Variants in FGF14 observed in about 807,000 individuals in gnomAD.
The protein encoded by FGF14 is fibroblast growth factor 14.
Under a neutral mutation model 25.5 loss-of-function variants are expected in FGF14, and 5 were observed. The ratio of observed to expected loss-of-function variants is 0.20; its 90% CI spans 0.10 to 0.41. The LOEUF (loss-of-function observed/expected upper bound fraction) is 0.41, where lower values mean the gene tolerates loss of function less well. Ranked by LOEUF, FGF14 falls within the 10% of genes least tolerant of loss-of-function variation. The pLI is 1.00. For missense variants in FGF14, 222 were observed against 320.1 expected (o/e 0.69, Z 2.34); for synonymous variants, 138 against 118.3 (o/e 1.17, Z -1.08).
chr13:102,148,924 C>G (rs1292352338), intron 1 of FGF14, among the ~76,000 whole-genome samples: 1 of 152,186 alleles, frequency 6.6e-6, no homozygotes, highest in Admixed American at 6.5e-5. Flanking sequence ...CCAGCGCGTA[C>G]CTGGAATATA....
intron 3 of FGF14, among the ~76,000 whole-genome samples, chr13:101,825,899 T>G (rs1000466489): frequency 6.6e-6 from 1 of 152,128 alleles, no homozygotes; most frequent in Non-Finnish European, 1.5e-5. Context: ...ATAAAGTTTT[T>G]GAAAATAAGA....
At position 101,722,058 on chromosome 13, in the gene FGF14, T is replaced by TCAAA. The variant is rs1458723573; in HGVS notation, c.*769_*772dup. 1.3e-5 allele frequency: 2 copies of TCAAA among 152,356 alleles called. No individual in the cohort carries two copies. Among genetic ancestry groups the TCAAA allele is most frequent in the East Asian group, 3.9e-4 (2 of 5,166 alleles). The allele number at this position is 152,356 out of a possible 1,614,324, so 9.4% of individuals were successfully genotyped here. A position where few individuals can be genotyped will look rare whatever the true frequency, so the allele number is the denominator to read the frequency against. On this transcript the variant is annotated 3_prime_UTR_variant, in exon 5 of 5. Transcript: ENST00000376143. ...CACACAAAGAAACTAGAGGGGGATGTCAAACACATATCATAGAGAGCTTCC... is the reference window on the plus strand; with the variant it reads ...CACACAAAGAAACTAGAGGGGGATGTCAAACAAACACATATCATAGAGAGCTTCC...
At chr13:102,207,286 A>G (rs1185807025) in intron 1 of FGF14, among the ~76,000 whole-genome samples, 1 of 151,916 alleles carries the variant, frequency 6.6e-6, no homozygotes, top group African/African-American at 2.4e-5. Context: ...TCTCGAAAAA[A>G]TAAATAAATA....
chr13:101,920,940 G>A (rs1204959750), upstream of FGF14, among the ~76,000 whole-genome samples: 2 of 152,114 alleles, frequency 1.3e-5, no homozygotes, highest in Non-Finnish European at 2.9e-5. Context: ...AGTTTGGAAG[G>A]TAATTAGTAC....
At chr13:102,298,396 T>G (rs1474456942) in intron 1 of FGF14, among the ~76,000 whole-genome samples, 1 of 152,156 alleles carries the variant, frequency 6.6e-6, no homozygotes, top group African/African-American at 2.4e-5. Flanking sequence ...GTTCAAGGCA[T>G]GTGTGTATCA....
chr13:101,735,671 A>G (rs1364402799), intron 3 of FGF14, among the ~76,000 whole-genome samples: 3 of 106,032 alleles, frequency 2.8e-5, no homozygotes, highest in South Asian at 5.1e-4. Context: ...TCCCCATAGG[A>G]AAAAAAAAAA....
chr13:102,062,496 G>T (rs909851698), intron 1 of FGF14, among the ~76,000 whole-genome samples: 24 of 152,070 alleles, frequency 1.6e-4, no homozygotes, highest in African/African-American at 5.8e-4. Context: ...AAACCCTTTT[G>T]TAAGTGTAAT....
chr13:102,254,331 G>A (rs1244478762), intron 1 of FGF14, among the ~76,000 whole-genome samples: 1 of 152,126 alleles, frequency 6.6e-6, no homozygotes, highest in Non-Finnish European at 1.5e-5. Flanking sequence ...AGTCAGCCTG[G>A]GGGATCTACT....
intron 3 of FGF14, among the ~76,000 whole-genome samples, chr13:101,858,378 C>G (rs911064692): frequency 6.6e-6 from 1 of 151,890 alleles, no homozygotes; most frequent in Non-Finnish European, 1.5e-5. Context: ...ATTGTTGTTT[C>G]AATGTTACAG....
At chr13:102,148,921 G>A (rs1429398488) in intron 1 of FGF14, among the ~76,000 whole-genome samples, 1 of 152,254 alleles carries the variant, frequency 6.6e-6, no homozygotes, top group African/African-American at 2.4e-5. Context: ...TGACCAGCGC[G>A]TACCTGGAAT....
rs1229270987 is a variant in FGF14, at chr13:101,875,232, G to T, written c.258C>A (p.His86Gln). Reference sequence around the variant, plus strand: ...TGGTTCCATCGAGAGCTCCATCGGGGTGCATTTGCAAGTAGTAGCCTTGCC... The same window carrying T: ...TGGTTCCATCGAGAGCTCCATCGGGTTGCATTTGCAAGTAGTAGCCTTGCC... ...YCRQGYYLQMHPDGALDGTKD... is the reference protein window; with the variant it reads ...YCRQGYYLQMQPDGALDGTKD... The change falls in exon 2 of 5, where the codon CAC becomes CAA. Residue 86 changes from histidine to glutamine, a missense_variant. Coordinates refer to ENST00000376143, the MANE Select transcript of FGF14 (RefSeq NM_004115.4). 9.9e-6 allele frequency: 16 copies of T among 1,613,436 alleles called. No individual in the cohort carries two copies. Among genetic ancestry groups the T allele is most frequent in the Non-Finnish European group, 1.4e-5 (16 of 1,179,560 alleles).
At chr13:102,002,317 G>GT (rs1394508798) in intron 1 of FGF14, 5 of 152,278 alleles carry the variant, frequency 3.3e-5, no homozygotes, top group Non-Finnish European at 4.4e-5. Context: ...AGACAAGCCA[G>GT]TTTTTTCCTT....
chr13:102,284,849 A>G (rs2054015647), intron 1 of FGF14, among the ~76,000 whole-genome samples: 1 of 152,072 alleles, frequency 6.6e-6, no homozygotes, highest in Non-Finnish European at 1.5e-5. Context: ...ATTGGTTCTT[A>G]TTGCAAATAG....
chr13:101,751,725 C>T (rs1302042181), intron 3 of FGF14, among the ~76,000 whole-genome samples: 2 of 152,114 alleles, frequency 1.3e-5, no homozygotes, highest in African/African-American at 2.4e-5. Context: ...GACGTCCAAA[C>T]GCAGTGGAGG....
intron 1 of FGF14, among the ~76,000 whole-genome samples, chr13:101,904,748 C>T (rs1005947685): frequency 6.6e-6 from 1 of 152,048 alleles, no homozygotes; most frequent in African/African-American, 2.4e-5. Flanking sequence ...TACAACCATG[C>T]AGAAAGTAAA....
intron 3 of FGF14, among the ~76,000 whole-genome samples, chr13:101,838,132 T>C (rs2043014652): frequency 6.6e-6 from 1 of 152,028 alleles, no homozygotes; most frequent in Non-Finnish European, 1.5e-5. Flanking sequence ...TATGAGTCAA[T>C]ATTGCTTAAT....
intron 1 of FGF14, among the ~76,000 whole-genome samples, chr13:101,953,205 C>T (rs1381409212): frequency 6.6e-6 from 1 of 152,186 alleles, no homozygotes; most frequent in Non-Finnish European, 1.5e-5. Flanking sequence ...TTCACCTGTT[C>T]TGTTTGCACA....
chr13:101,741,089 A>T (rs1318354231), intron 3 of FGF14, among the ~76,000 whole-genome samples: 2 of 152,206 alleles, frequency 1.3e-5, no homozygotes, highest in Non-Finnish European at 2.9e-5. Flanking sequence ...TAATCCCAGC[A>T]CTTTGGGAGG....
chr13:102,163,832 G>GCC (rs149786408), intron 1 of FGF14, among the ~76,000 whole-genome samples: 13 of 151,534 alleles, frequency 8.6e-5, no homozygotes, highest in South Asian at 4.2e-4. Flanking sequence ...AATCAGACTT[G>GCC]CCCCCCCCAG....
Sources: allele counts gnomAD v4.1 joint callset (sites outside exome capture counted in the v4.1 genomes callset), GRCh38; gene constraint gnomAD v4.1.1; transcripts MANE v1.5; gene names NCBI Gene and HGNC (gene_info 2026-07-23, HGNC 2026-07-21).